Variants in ADCY1 observed in about 807,000 individuals in gnomAD.
The protein encoded by ADCY1 is adenylate cyclase type 1.
ADCY1 carries 28 observed loss-of-function variants against 105.4 expected under a neutral mutation model. That is an observed-to-expected ratio of 0.27 (90% CI 0.20 to 0.36). The LOEUF is 0.36. Ranked by LOEUF, ADCY1 falls within the 10% of genes least tolerant of loss-of-function variation. ADCY1 has a pLI of 1.00. For synonymous variants in ADCY1, 655 were observed against 623.8 expected, an observed-to-expected ratio of 1.05 and a Z score of -0.75; for missense variants, 977 against 1,434.2, an observed-to-expected ratio of 0.68 and a Z score of 5.15.
intron 2 of ADCY1, among the ~76,000 whole-genome samples, chr7:45,610,113 T>A (rs970701049): frequency 6.6e-6 from 1 of 152,182 alleles, no homozygotes; most frequent in African/African-American, 2.4e-5. Flanking sequence ...GCTGTAACCC[T>A]GCTGTACACT....
intron 2 of ADCY1, among the ~76,000 whole-genome samples, chr7:45,602,326 A>G (rs967878360): frequency 6.6e-6 from 1 of 152,026 alleles, no homozygotes; most frequent in Non-Finnish European, 1.5e-5. Context: ...GCACAGGGTG[A>G]GAGGCATAGG....
At chr7:45,659,562 T>C (rs543966225) in intron 6 of ADCY1, among the ~76,000 whole-genome samples, 18 of 152,276 alleles carry the variant, frequency 1.2e-4, no homozygotes, top group African/African-American at 4.3e-4. Context: ...CTTACCACCC[T>C]GCTTCCCACC....
intron 3 of ADCY1, among the ~76,000 whole-genome samples, chr7:45,620,855 C>T (rs1793871753): frequency 6.6e-6 from 1 of 152,184 alleles, no homozygotes; most frequent in African/African-American, 2.4e-5. Context: ...GCTGTTACCA[C>T]CATGCAGAAT....
At chr7:45,628,726 G>A (rs1784625118) in intron 4 of ADCY1, among the ~76,000 whole-genome samples, 1 of 152,136 alleles carries the variant, frequency 6.6e-6, no homozygotes, top group African/African-American at 2.4e-5. Flanking sequence ...TCTGCAACCT[G>A]GCATGCTTCT....
intron 17 of ADCY1, among the ~76,000 whole-genome samples, chr7:45,705,771 A>G (rs1785106724): frequency 3.3e-5 from 5 of 152,204 alleles, no homozygotes; most frequent in Admixed American, 3.3e-4. Context: ...CTTGCAGATG[A>G]CATGACTATA....
intron 11 of ADCY1, among the ~76,000 whole-genome samples, chr7:45,684,060 G>A (rs1193650869): frequency 6.6e-6 from 1 of 152,268 alleles, no homozygotes. Context: ...GAAGTGCAGT[G>A]ATTCACGGTC....
Position 45,710,775 on chromosome 7 carries a change from G to A in ADCY1, c.3057+123G>A. 2.3e-6 allele frequency: 3 copies of A among 1,324,856 alleles called. No individual in the cohort carries two copies. The highest frequency in any genetic ancestry group is 3.0e-6 in the Non-Finnish European group (3 of 990,982). 82.1% of individuals were successfully genotyped at this position (1,324,856 alleles called of 1,614,324 possible). The stretch of plus-strand genomic sequence containing the variant: ...CGTAAGTGGCAGGGCAGAAAGAGCT[G>A]CATATTTCGGTCTGTCTGCTCTGGA... On this transcript the variant is annotated intron_variant, in intron 19 of 19. Coordinates refer to ENST00000297323, the MANE Select transcript of ADCY1 (RefSeq NM_021116.4). This position sits in a 1 kb window ranked among gnomAD's most constrained non-coding sequence, Gnocchi z 4.7.
intron 8 of ADCY1, among the ~76,000 whole-genome samples, chr7:45,667,371 T>C (rs1331459520): frequency 6.6e-5 from 10 of 152,226 alleles, no homozygotes; most frequent in Admixed American, 4.6e-4. Context: ...CCCAGTACCA[T>C]TTATTAAATA....
intron 11 of ADCY1, among the ~76,000 whole-genome samples, chr7:45,682,225 G>T (rs909619416): frequency 6.6e-6 from 1 of 152,184 alleles, no homozygotes; most frequent in Non-Finnish European, 1.5e-5. Flanking sequence ...GGGGCAGTGG[G>T]TGTAGCTCAT....
chr7:45,581,217 T>C (rs554168582), intron 1 of ADCY1, among the ~76,000 whole-genome samples: 1 of 152,252 alleles, frequency 6.6e-6, no homozygotes, highest in East Asian at 1.9e-4. Flanking sequence ...TTAATATGAA[T>C]GGATTGTGCC....
At chr7:45,695,788 C>T (rs1293642819) in intron 14 of ADCY1, among the ~76,000 whole-genome samples, 1 of 152,246 alleles carries the variant, frequency 6.6e-6, no homozygotes, top group African/African-American at 2.4e-5. Flanking sequence ...AAGAAGATGT[C>T]TGTGGTGTGT....
At chr7:45,634,778 A>C (rs944664080) in intron 4 of ADCY1, among the ~76,000 whole-genome samples, 1 of 152,180 alleles carries the variant, frequency 6.6e-6, no homozygotes, top group Non-Finnish European at 1.5e-5. Flanking sequence ...CTTACCATAC[A>C]TTTATGGGTT....
Position 45,596,851 on chromosome 7 carries a change from G to A in ADCY1, c.789+3943G>A, listed in dbSNP as rs567173039. On this transcript the variant is annotated intron_variant, in intron 2 of 19. Coordinates refer to ENST00000297323, the MANE Select transcript of ADCY1 (RefSeq NM_021116.4). Reference sequence around the variant, plus strand: ...GGGAGCTCCTGAGCCTAGCAGGAAAGAGACATCATGAACACGTTTTGAGGG... The same window carrying A: ...GGGAGCTCCTGAGCCTAGCAGGAAAAAGACATCATGAACACGTTTTGAGGG... Among the ~76,000 whole-genome samples the A allele has an allele frequency of 2.0e-5, 3 of 152,338 alleles. No homozygotes were observed. The East Asian group carries it at 5.8e-4, about 29-fold the overall frequency.
rs370784954 is a variant in ADCY1 at position 45,580,721 on chromosome 7, TG to T, written c.639+5543del. ...GGGGCGAGTCCCGCAAAGGCCCAAGTGGGGCAAAACCACACTGTGGACTTGC... is the reference window on the plus strand; with the variant it reads ...GGGGCGAGTCCCGCAAAGGCCCAAGTGGGCAAAACCACACTGTGGACTTGC... On this transcript the variant is annotated intron_variant, in intron 1 of 19. Coordinates refer to ENST00000297323, the MANE Select transcript of ADCY1 (RefSeq NM_021116.4). 2.6e-5 allele frequency among the ~76,000 whole-genome samples: 4 copies of T among 152,292 alleles called. No homozygotes were observed. In the South Asian group the frequency reaches 6.2e-4, roughly 24 times the overall value.
At chr7:45,608,250 G>T (rs184218931) in intron 2 of ADCY1, among the ~76,000 whole-genome samples, 14 of 152,272 alleles carry the variant, frequency 9.2e-5, no homozygotes, top group African/African-American at 3.1e-4. Context: ...GTCTTCTTTT[G>T]AGAAGTGACT....
intron 5 of ADCY1, among the ~76,000 whole-genome samples, chr7:45,652,252 G>A (rs532459012): frequency 1.3e-5 from 2 of 152,332 alleles, no homozygotes; most frequent in East Asian, 3.9e-4. Context: ...ATTACAACTG[G>A]ACATGAGATT....
intron 8 of ADCY1, among the ~76,000 whole-genome samples, chr7:45,665,861 A>G (rs2471263): frequency 0.55 from 83,446 of 152,116 alleles, 26,334 homozygotes; most frequent in South Asian, 0.7. Flanking sequence ...TCTCATGTCT[A>G]CTGGTGTCAT....
At position 45,589,864 on chromosome 7, in the gene ADCY1, G is replaced by C. The variant is rs557746882; in HGVS notation, c.640-2895G>C. Among the ~76,000 whole-genome samples the C allele has an allele frequency of 4.3e-4, 65 of 152,154 alleles. 1 individual carries two copies. The highest frequency in any genetic ancestry group is 1.6e-3 in the African/African-American group (65 of 41,518). On this transcript the variant is annotated intron_variant, in intron 1 of 19. Coordinates refer to ENST00000297323, the MANE Select transcript of ADCY1 (RefSeq NM_021116.4). ...GTTTGATGGCGCTTTTCCTTTCCAG[G>C]GCCACGGGGGTCTGAAGCTTCCAGT...
chr7:45,611,267 A>G (rs1562687847), intron 3 of ADCY1, among the ~76,000 whole-genome samples: 1 of 151,930 alleles, frequency 6.6e-6, no homozygotes, highest in Non-Finnish European at 1.5e-5. Flanking sequence ...GTTCAGGTGG[A>G]CATCTGCCTA....
Sources: gnomAD v4.1 joint callset for allele counts (sites outside exome capture counted in the v4.1 genomes callset) on GRCh38, gnomAD v4.1.1 for gene constraint, Gnocchi (gnomAD v3.1) non-coding constraint, MANE v1.5 for transcripts, NCBI Gene and HGNC (gene_info 2026-07-23, HGNC 2026-07-21) for gene names.